Variants in CTNNA2 observed in about 807,000 individuals in gnomAD.
CTNNA2 encodes the protein catenin alpha 2, also known as catenin alpha-2.
In CTNNA2, 42 loss-of-function variants were observed where a neutral mutation model predicts 101.0. The observed-to-expected ratio is 0.42, with a 90% CI of 0.32 to 0.54. The LOEUF (loss-of-function observed/expected upper bound fraction) is 0.54, where lower values mean the gene tolerates loss of function less well. CTNNA2 is among the 20% of genes least tolerant of loss of function. The probability of loss-of-function intolerance (pLI) is 0.14; values close to 1 mark genes in which losing one functional copy is unlikely to be tolerated. For synonymous variants in CTNNA2, 450 were observed against 456.4 expected, an observed-to-expected ratio of 0.99 and a Z score of 0.18; for missense variants, 871 against 1,223.1, an observed-to-expected ratio of 0.71 and a Z score of 4.29.
intron 4 of CTNNA2, among the ~76,000 whole-genome samples, chr2:79,473,027 C>A (rs899660438): frequency 6.6e-6 from 1 of 152,140 alleles, no homozygotes; most frequent in African/African-American, 2.4e-5. Context: ...ATAATAATGT[C>A]ACTTGATTCT....
At chr2:80,569,933 C>T (rs935151984) in intron 12 of CTNNA2, among the ~76,000 whole-genome samples, 2 of 151,874 alleles carry the variant, frequency 1.3e-5, no homozygotes, top group African/African-American at 2.4e-5. Flanking sequence ...TGAGCCAAGG[C>T]GCCTGGCCTA....
At chr2:79,825,814 G>T (rs1455374668) in intron 3 of CTNNA2, among the ~76,000 whole-genome samples, 1 of 152,124 alleles carries the variant, frequency 6.6e-6, no homozygotes, top group Non-Finnish European at 1.5e-5. Flanking sequence ...AAGCCCTGAG[G>T]ATCAGAAGCA....
chr2:79,648,107 C>T (rs1680951155), intron 1 of CTNNA2, among the ~76,000 whole-genome samples: 1 of 152,154 alleles, frequency 6.6e-6, no homozygotes, highest in Non-Finnish European at 1.5e-5. Context: ...CTGAAAAATC[C>T]TCCAATCTAC....
intron 14 of CTNNA2, among the ~76,000 whole-genome samples, chr2:80,588,417 G>A (rs34899795): frequency 0.3 from 45,048 of 152,106 alleles, 7,715 homozygotes; most frequent in East Asian, 0.46. Context: ...AACCTCATCT[G>A]GGAATGTGCA....
At chr2:80,560,847 T>G (rs1295967244) in intron 12 of CTNNA2, among the ~76,000 whole-genome samples, 4 of 152,180 alleles carry the variant, frequency 2.6e-5, no homozygotes, top group African/African-American at 9.7e-5. Context: ...GGCAAGTGTT[T>G]CTATAGGTAC....
intron 1 of CTNNA2, among the ~76,000 whole-genome samples, chr2:79,584,417 T>C (rs2103927219): frequency 6.6e-6 from 1 of 152,282 alleles, no homozygotes; most frequent in South Asian, 2.1e-4. Context: ...CCTGGGTTTT[T>C]AATATATTCA....
intron 7 of CTNNA2, among the ~76,000 whole-genome samples, chr2:79,960,722 A>C (rs1403426426): frequency 4.6e-5 from 7 of 152,182 alleles, no homozygotes. Flanking sequence ...CAGGGTAATA[A>C]AATTTCACTA....
intron 9 of CTNNA2, among the ~76,000 whole-genome samples, chr2:80,450,479 G>A (rs1683411844): frequency 6.6e-6 from 1 of 152,092 alleles, no homozygotes; most frequent in African/African-American, 2.4e-5. Context: ...TTAACCTGTT[G>A]TAATTTAACC....
chr2:79,256,242 A>G (rs1348093599), intron 2 of CTNNA2, among the ~76,000 whole-genome samples: 1 of 152,170 alleles, frequency 6.6e-6, no homozygotes, highest in Non-Finnish European at 1.5e-5. Context: ...CACACAGATC[A>G]TCAATTCCCT....
intron 2 of CTNNA2, among the ~76,000 whole-genome samples, chr2:79,679,864 A>G (rs28535065): frequency 0.091 from 13,853 of 152,032 alleles, 1,184 homozygotes; most frequent in East Asian, 0.49. Context: ...CCGATCCCCT[A>G]TTGGAACACA....
intron 2 of CTNNA2, among the ~76,000 whole-genome samples, chr2:79,260,189 C>T (rs1281831098): frequency 1.3e-5 from 2 of 152,086 alleles, no homozygotes; most frequent in African/African-American, 4.8e-5. Flanking sequence ...TTGAATCTGG[C>T]AACCAAGAAA....
chr2:80,569,698 A>C (rs1368785455), intron 12 of CTNNA2, among the ~76,000 whole-genome samples: 4 of 118,606 alleles, frequency 3.4e-5, no homozygotes, highest in Non-Finnish European at 3.3e-5. Flanking sequence ...GCTGGAGTGC[A>C]GTGGCACCAC....
At chr2:79,407,954 G>A (rs1010890501) in intron 4 of CTNNA2, among the ~76,000 whole-genome samples, 4 of 152,000 alleles carry the variant, frequency 2.6e-5, no homozygotes, top group Non-Finnish European at 5.9e-5. Flanking sequence ...GCACACTGCT[G>A]TATCTTTGTT....
chr2:79,907,773 T>C (rs554224626), intron 6 of CTNNA2, among the ~76,000 whole-genome samples: 2 of 152,374 alleles, frequency 1.3e-5, no homozygotes, highest in Admixed American at 1.3e-4. Context: ...CAAGATTTCA[T>C]GCACTGCTTT....
intron 2 of CTNNA2, among the ~76,000 whole-genome samples, chr2:79,705,558 T>C (rs1291349979): frequency 6.6e-6 from 1 of 152,168 alleles, no homozygotes; most frequent in Non-Finnish European, 1.5e-5. Flanking sequence ...CCAAAACGAC[T>C]GTACTGATTT....
intron 3 of CTNNA2, among the ~76,000 whole-genome samples, chr2:79,822,022 C>T (rs550264934): frequency 6.6e-6 from 1 of 152,200 alleles, no homozygotes; most frequent in Admixed American, 6.5e-5. Context: ...TCACTTTATT[C>T]CACATAAAAG....
intron 7 of CTNNA2, among the ~76,000 whole-genome samples, chr2:80,068,751 T>C (rs1698139020): frequency 6.6e-6 from 1 of 152,150 alleles, no homozygotes; most frequent in Non-Finnish European, 1.5e-5. Context: ...TGAAACCCTT[T>C]CCTGGACTCA....
At chr2:80,550,322 G>A (rs754660037) in intron 11 of CTNNA2, among the ~76,000 whole-genome samples, 33 of 152,176 alleles carry the variant, frequency 2.2e-4, no homozygotes, top group Non-Finnish European at 4.0e-4. Context: ...GATGGTAGGG[G>A]GGGTTTCCTT....
At chr2:79,582,658 G>A (rs547908750) in intron 1 of CTNNA2, among the ~76,000 whole-genome samples, 11 of 151,996 alleles carry the variant, frequency 7.2e-5, no homozygotes, top group Non-Finnish European at 1.6e-4. Context: ...TGTAGCTGTT[G>A]GTTGGAATCA....
Sources: allele counts gnomAD v4.1 joint callset (sites outside exome capture counted in the v4.1 genomes callset), GRCh38; gene constraint gnomAD v4.1.1; transcripts MANE v1.5; gene names NCBI Gene and HGNC (gene_info 2026-07-23, HGNC 2026-07-21).